Variants in SYT9 observed in about 807,000 individuals in gnomAD.
SYT9 encodes synaptotagmin 9.
Under a neutral mutation model 48.4 loss-of-function variants are expected in SYT9, and 22 were observed. The ratio of observed to expected loss-of-function variants is 0.45; its 90% confidence interval spans 0.32 to 0.65. The LOEUF (loss-of-function observed/expected upper bound fraction) is 0.65. SYT9 is among the 30% of genes least tolerant of loss of function. SYT9 has a pLI of 0.03. For synonymous variants in SYT9, 265 were observed against 245.0 expected, an observed-to-expected ratio of 1.08 and a Z score of -0.76; for missense variants, 577 against 622.0, an observed-to-expected ratio of 0.93 and a Z score of 0.77.
chr11:7,464,933 A>G (rs1245180902), intron 6 of SYT9, among the ~76,000 whole-genome samples: 1 of 151,922 alleles, frequency 6.6e-6, no homozygotes, highest in African/African-American at 2.4e-5. Flanking sequence ...ATACAAAAAA[A>G]AAAAATTAGC....
chr11:7,385,199 G>C (rs1383891655), intron 3 of SYT9, among the ~76,000 whole-genome samples: 1 of 152,040 alleles, frequency 6.6e-6, no homozygotes, highest in Non-Finnish European at 1.5e-5. Flanking sequence ...AGCTCCATGA[G>C]AGTAAATAAT....
chr11:7,281,665 G>A (rs1848494749), intron 1 of SYT9, among the ~76,000 whole-genome samples: 1 of 152,190 alleles, frequency 6.6e-6, no homozygotes, highest in Admixed American at 6.6e-5. Flanking sequence ...GAAAGTTTGA[G>A]ACTATCTGCC....
chr11:7,328,204 G>A (rs1257044158), intron 3 of SYT9, among the ~76,000 whole-genome samples: 1 of 151,610 alleles, frequency 6.6e-6, no homozygotes, highest in African/African-American at 2.4e-5. Flanking sequence ...TGTAAGCAAA[G>A]TATAGCTGGA....
chr11:7,287,673 T>A (rs2133913546), intron 1 of SYT9, among the ~76,000 whole-genome samples: 1 of 152,308 alleles, frequency 6.6e-6, no homozygotes, highest in African/African-American at 2.4e-5. Context: ...CATGCTGAAG[T>A]TTCTTACTCA....
intron 3 of SYT9, among the ~76,000 whole-genome samples, chr11:7,388,367 G>A (rs1425554537): frequency 3.9e-5 from 6 of 152,022 alleles, no homozygotes; most frequent in Non-Finnish European, 7.4e-5. Flanking sequence ...ATGGTTATTC[G>A]TGCCTTTTTT....
chr11:7,466,730 A>AAG, intron 6 of SYT9, 62 bp from the exon 7 acceptor site: 5 of 1,567,792 alleles, frequency 3.2e-6, no homozygotes, highest in Non-Finnish European at 4.3e-6. Flanking sequence ...CAAAAAAAAA[A>AAG]AAAAAAGAAA....
intron 2 of SYT9, among the ~76,000 whole-genome samples, chr11:7,312,624 A>G (rs1184408667): frequency 2.6e-5 from 4 of 152,200 alleles, no homozygotes; most frequent in African/African-American, 7.2e-5. Flanking sequence ...TACAGTTGCA[A>G]ATATTTAGTT....
chr11:7,385,649 A>C (rs1850644704), intron 3 of SYT9, among the ~76,000 whole-genome samples: 2 of 152,056 alleles, frequency 1.3e-5, no homozygotes. Context: ...CTGAACCTTA[A>C]AAAAAGTTTA....
chr11:7,432,407 C>T lies in SYT9; in HGVS notation c.1467+11772C>T, dbSNP rs190361412. On this transcript the variant is annotated intron_variant, in intron 6 of 6. Coordinates refer to ENST00000318881, the MANE Select transcript of SYT9 (RefSeq NM_175733.4). The stretch of plus-strand genomic sequence containing the variant: ...ACTAAAAATACAAAAATTAGCTGGG[C>T]ATGGTGGCAGGTGCCTTCAATCCCA... Among the ~76,000 whole-genome samples, 740 of 151,390 alleles carry T rather than the reference C, an allele frequency of 4.9e-3. 7 individuals carry two copies. The highest frequency in any genetic ancestry group is 0.017 in the African/African-American group (710 of 41,288).
chr11:7,445,098 G>A (rs1266461654), intron 6 of SYT9, among the ~76,000 whole-genome samples: 1 of 152,126 alleles, frequency 6.6e-6, no homozygotes, highest in Non-Finnish European at 1.5e-5. Flanking sequence ...TAAACCTCAG[G>A]TTATTCCACT....
At chr11:7,243,742 G>C (rs970830425) in intron 1 of SYT9, among the ~76,000 whole-genome samples, 38 of 152,150 alleles carry the variant, frequency 2.5e-4, no homozygotes, top group African/African-American at 8.9e-4. Context: ...AAAGGGGTTG[G>C]TTCATTGGAA....
intron 4 of SYT9, 51 bp downstream of exon 4, chr11:7,416,213 T>A (rs748825083): frequency 6.2e-7 from 1 of 1,608,460 alleles, no homozygotes; most frequent in Admixed American, 1.7e-5. Context: ...CTGTAGTAAG[T>A]ACCTTATAAA....
rs142386528 is a variant in SYT9 at position 7,294,534 on chromosome 11, T to C, written c.146-8505T>C. ...AATACAATGGTGAAAAGGCATAGGA[T>C]GGACATTTCCATTCCAAAATGGAGA... On this transcript the variant is annotated intron_variant, in intron 1 of 6. Transcript: ENST00000318881. 3.3e-4 allele frequency among the ~76,000 whole-genome samples: 51 copies of C among 152,308 alleles called. No homozygotes were observed. The East Asian group carries it at 9.5e-3, about 28-fold the overall frequency.
At chr11:7,343,941 C>G (rs1270815274) in intron 3 of SYT9, among the ~76,000 whole-genome samples, 1 of 152,168 alleles carries the variant, frequency 6.6e-6, no homozygotes, top group Non-Finnish European at 1.5e-5. Context: ...CGTCATATCT[C>G]ATGAGACTTA....
intron 5 of SYT9, among the ~76,000 whole-genome samples, chr11:7,418,906 CA>C (rs1847300169): frequency 6.6e-6 from 1 of 152,204 alleles, no homozygotes; most frequent in African/African-American, 2.4e-5. Flanking sequence ...GGTCTGGACA[CA>C]ATTATTAAAA....
At chr11:7,350,739 C>T (rs1849899252) in intron 3 of SYT9, among the ~76,000 whole-genome samples, 1 of 152,186 alleles carries the variant, frequency 6.6e-6, no homozygotes, top group African/African-American at 2.4e-5. Flanking sequence ...GCCACCACCA[C>T]CAACTTTCAA....
chr11:7,309,589 G>A (rs1460432449), intron 2 of SYT9, among the ~76,000 whole-genome samples: 2 of 152,176 alleles, frequency 1.3e-5, no homozygotes, highest in African/African-American at 2.4e-5. Flanking sequence ...CTGGGGTGGG[G>A]GAGGCTCAGG....
chr11:7,373,678 A>G (rs1483163495), intron 3 of SYT9, among the ~76,000 whole-genome samples: 3 of 152,136 alleles, frequency 2.0e-5, no homozygotes, highest in Non-Finnish European at 2.9e-5. Flanking sequence ...GAAACTCCCC[A>G]TATCCCACCA....
rs759372659 is a variant in SYT9 at position 7,449,322 on chromosome 11, C to CAAA, written c.1468-17444_1468-17442dup. On this transcript the variant is annotated intron_variant, in intron 6 of 6. Transcript: ENST00000318881. ...TGGGCAACAGAGTGAGACTCCACCT[C>CAAA]AAAAAAAAAAAAAAAAAAAAAAAAA... Among the ~76,000 whole-genome samples the CAAA allele has an allele frequency of 1.6e-3, 71 of 44,752 alleles. 12 individuals are homozygous for CAAA. Among genetic ancestry groups the CAAA allele is most frequent in the African/African-American group, 3.6e-3 (56 of 15,344 alleles). 29.4% of individuals were successfully genotyped at this position (44,752 alleles called of 152,430 possible).
Sources: allele counts gnomAD v4.1 joint callset (sites outside exome capture counted in the v4.1 genomes callset), GRCh38; gene constraint gnomAD v4.1.1; transcripts MANE v1.5; gene names NCBI Gene and HGNC (gene_info 2026-07-23, HGNC 2026-07-21).